Variants in SERINC2 observed in about 807,000 individuals in gnomAD.
The protein encoded by SERINC2 is tumor differentially expressed protein 2.
SERINC2 carries 56 observed loss-of-function variants against 54.2 expected under a neutral mutation model. The observed-to-expected ratio is 1.03, with a 90% CI of 0.83 to 1.29. The LOEUF is 1.29. SERINC2 is among the 50% of genes most tolerant of loss of function. SERINC2 has a pLI of 0.00. For missense variants in SERINC2, 614 were observed against 607.4 expected, an observed-to-expected ratio of 1.01 and a Z score of -0.12; for synonymous variants, 272 against 253.1, an observed-to-expected ratio of 1.07 and a Z score of -0.71.
chr1:31,425,358 G>A lies in SERINC2; in HGVS notation c.421G>A (p.Val141Met). Residue 141 changes from valine to methionine, a missense_variant, in exon 4 of 10, where the codon GTG (valine) becomes ATG (methionine). Coordinates refer to ENST00000373709, the MANE Select transcript of SERINC2 (RefSeq NM_178865.5). ...TTGGTTCTTTAAGTTCCTGATCCTG[G>A]TGGGCCTCACCGTGGGTGCCTTCTA... ...GFWFFKFLIL[V>M]GLTVGAFYIP... 1.2e-6 allele frequency: 2 copies of A among 1,613,420 alleles called. No homozygotes were observed. Among genetic ancestry groups the A allele is most frequent in the Middle Eastern group, 1.7e-4 (1 of 6,060 alleles).
chr1:31,434,073 G>A lies in SERINC2; in HGVS notation c.1242G>A (p.Glu414=). The A allele has an allele frequency of 6.2e-7, 1 of 1,613,898 alleles. No individual in the cohort carries two copies. Among genetic ancestry groups the A allele is most frequent in the Non-Finnish European group, 8.5e-7 (1 of 1,179,898 alleles). The change falls in exon 10 of 10, where the codon GAG becomes GAA. Residue 414 remains glutamate, a synonymous_variant. Coordinates refer to ENST00000373709, the MANE Select transcript of SERINC2 (RefSeq NM_178865.5). ...AGATGGTGTGTTCCAGGCCCGGTGA[G>A]ACCCGGAAGATGATCAGCACGTGGA... The part of the protein sequence containing the change: ...MTLTNWYKPG[E]TRKMISTWTA...
Position 31,413,417 on chromosome 1 carries a change from T to A in SERINC2, c.39+113T>A. ...CTTCTTTTTCCTTCCTGCAAACTTGTCTTTCTGGGCCGGTGCCCCGCCTGC... is the reference window on the plus strand; with the variant it reads ...CTTCTTTTTCCTTCCTGCAAACTTGACTTTCTGGGCCGGTGCCCCGCCTGC... On this transcript the variant is annotated intron_variant, in intron 1 of 9. Coordinates refer to ENST00000373709, the MANE Select transcript of SERINC2 (RefSeq NM_178865.5). The surrounding 1 kb of genome is among the most constrained non-coding windows in gnomAD (Gnocchi z 5.0). The A allele has an allele frequency of 1.8e-6, 1 of 550,308 alleles. No homozygotes were observed. Among genetic ancestry groups the A allele is most frequent in the Non-Finnish European group, 2.6e-6 (1 of 380,250 alleles). 34.1% of individuals were successfully genotyped at this position (550,308 alleles called of 1,614,324 possible). A position where few individuals can be genotyped will look rare whatever the true frequency, so the allele number is the denominator to read the frequency against.
chr1:31,419,286 T>C (rs1640850773), intron 1 of SERINC2, among the ~76,000 whole-genome samples: 2 of 152,326 alleles, frequency 1.3e-5, no homozygotes, highest in Admixed American at 1.3e-4. Flanking sequence ...TCCCCAGGTG[T>C]TAGACATTTA....
chr1:31,421,012 C>T (rs1640890949), intron 1 of SERINC2, among the ~76,000 whole-genome samples: 1 of 152,104 alleles, frequency 6.6e-6, no homozygotes, highest in Admixed American at 6.5e-5. Flanking sequence ...AACCCCTGGG[C>T]CATGGACTAG....
chr1:31,429,568 A>T, intron 8 of SERINC2, 30 bp downstream of exon 8: 1 of 1,571,268 alleles, frequency 6.4e-7, no homozygotes, highest in Non-Finnish European at 8.7e-7. Context: ...CTGGGGAAGG[A>T]TCATGATTGA....
At chr1:31,429,685 CTGAG>C (rs1212037634) in intron 8 of SERINC2, 147 bp downstream of exon 8, 4 of 904,804 alleles carry the variant, frequency 4.4e-6, no homozygotes, top group Middle Eastern at 2.7e-4. Flanking sequence ...GGAGGGGAAA[CTGAG>C]TCCCTCAGAG....
rs543425651 is a variant in SERINC2, at chr1:31,426,838, C to G, written c.780+15C>G. ...CCAAGGTCCAGGTGAGCCTGCCTGA[C>G]CCCCCCTGGCCTGAAGCCCGGCCCC... On this transcript the variant is annotated intron_variant, in intron 6 of 9. Coordinates refer to ENST00000373709, the MANE Select transcript of SERINC2 (RefSeq NM_178865.5). 4.4e-5 allele frequency: 70 copies of G among 1,591,108 alleles called. No individual in the cohort carries two copies. The South Asian group carries it at 7.2e-4, about 16-fold the overall frequency.
intron 5 of SERINC2, 96 bp from the exon 6 acceptor site, chr1:31,426,558 G>T (rs1204130871): frequency 9.3e-6 from 9 of 972,092 alleles, no homozygotes; most frequent in Non-Finnish European, 1.4e-5. Context: ...GAGCTGGAGA[G>T]GGGGAGAGCT....
Position 31,425,896 on chromosome 1 carries a change from C to T in SERINC2, c.593C>T (p.Ser198Phe), listed in dbSNP as rs930739490. ...RWLGKAEECD[S>F]RAWYAGLFFF... ...CTGGGCAAGGCCGAGGAGTGCGATT[C>T]CCGTGCCTGGTACGCAGGTCAGTGC... Residue 198 changes from serine to phenylalanine, a missense_variant, in exon 5 of 10, where the codon TCC becomes TTC. By Grantham distance (155) the Ser-to-Phe change is radical. Coordinates refer to ENST00000373709, the MANE Select transcript of SERINC2 (RefSeq NM_178865.5). 1 of 1,612,294 alleles carries T rather than the reference C, an allele frequency of 6.2e-7. No homozygotes were observed.
At chr1:31,430,790 G>A (rs1641175139) in intron 8 of SERINC2, among the ~76,000 whole-genome samples, 2 of 152,126 alleles carry the variant, frequency 1.3e-5, no homozygotes, top group African/African-American at 4.8e-5. Flanking sequence ...CAGACCCTGA[G>A]TTTGCCTCCC....
upstream of SERINC2, among the ~76,000 whole-genome samples, chr1:31,412,651 A>T (rs1472010405): frequency 6.6e-6 from 1 of 152,200 alleles, no homozygotes; most frequent in African/African-American, 2.4e-5. Context: ...CCTGGGTGAC[A>T]GAGCAAGACC....
chr1:31,414,265 C>CCAGCCCCCCTCTCCTTTCCT, intron 1 of SERINC2: 1 of 1,331,754 alleles, frequency 7.5e-7, no homozygotes, highest in Non-Finnish European at 9.6e-7. Context: ...TTCCCTTTCC[C>CCAGCCCCCCTCTCCTTTCCT]CAGCCCCCCT....
upstream of SERINC2, among the ~76,000 whole-genome samples, chr1:31,411,624 GGTGGCT>G (rs1640650587): frequency 1.3e-5 from 2 of 152,050 alleles, no homozygotes; most frequent in Non-Finnish European, 2.9e-5. Context: ...GGGTGAGGGT[GGTGGCT>G]CTCTTCACTG....
intron 1 of SERINC2, chr1:31,414,600 CGT>C (rs373151799): frequency 5.1e-6 from 5 of 980,916 alleles, no homozygotes; most frequent in East Asian, 1.1e-4. Context: ...CTCCATTTTT[CGT>C]GTGTGTGTGT....
At chr1:31,429,730 C>A (rs1016863847) in intron 8 of SERINC2, among the ~76,000 whole-genome samples, 192 bp downstream of exon 8, 5 of 152,202 alleles carry the variant, frequency 3.3e-5, no homozygotes, top group Non-Finnish European at 7.3e-5. Flanking sequence ...CAGAGGCAGG[C>A]GTGACCTTGC....
chr1:31,423,785 C>T lies in SERINC2; in HGVS notation c.132C>T (p.Phe44=), dbSNP rs1275899339. The T allele has an allele frequency of 6.2e-7, 1 of 1,614,066 alleles. No homozygotes were observed. Among genetic ancestry groups the T allele is most frequent in the East Asian group, 2.2e-5 (1 of 44,870 alleles). ...CCGTGAGCCGCCTCATCTTCACGTT[C>T]TTCCTCTTCCTGGGGGTGCTGGTGT... ...NSTVSRLIFT[F]FLFLGVLVSI... is the part of the protein sequence containing the mutation. The change falls in exon 2 of 10, where the codon TTC becomes TTT. Residue 44 remains phenylalanine (F), a synonymous_variant. Transcript: ENST00000373709.
At chr1:31,411,451 T>C (rs1311754137), upstream of SERINC2, among the ~76,000 whole-genome samples, 2 of 152,184 alleles carry the variant, frequency 1.3e-5, no homozygotes, top group African/African-American at 4.8e-5. Flanking sequence ...GGTGGGGAAT[T>C]AATCGACTTC....
At chr1:31,412,680 G>A (rs575484481), upstream of SERINC2, among the ~76,000 whole-genome samples, 1 of 152,128 alleles carries the variant, frequency 6.6e-6, no homozygotes, top group Non-Finnish European at 1.5e-5. Flanking sequence ...TAAAAAGGAA[G>A]AAGAAAACAG....
At chr1:31,433,996 AGGCCAGG>A (rs1236934662) in intron 9 of SERINC2, 61 bp from the exon 10 acceptor site, 54 of 1,540,908 alleles carry the variant, frequency 3.5e-5, no homozygotes, top group Non-Finnish European at 4.7e-5. Context: ...CTGGGACATA[AGGCCAGG>A]GGCCAAGATG....
Sources: gnomAD v4.1 joint callset for allele counts (sites outside exome capture counted in the v4.1 genomes callset) on GRCh38, gnomAD v4.1.1 for gene constraint, Gnocchi (gnomAD v3.1) non-coding constraint, MANE v1.5 for transcripts, NCBI Gene and HGNC (gene_info 2026-07-23, HGNC 2026-07-21) for gene names.